DPP10: variants seen among roughly 807,000 people sequenced by gnomAD.
The protein encoded by DPP10 is inactive dipeptidyl peptidase 10.
A neutral mutation model predicts 120.9 loss-of-function variants in DPP10; 33 were observed. The ratio of observed to expected loss-of-function variants is 0.27; its 90% CI spans 0.21 to 0.37. DPP10 has a LOEUF of 0.37. Among genes scored for constraint, DPP10 ranks in the 10% least tolerant of loss-of-function variants. DPP10 has a pLI of 1.00. For missense variants in DPP10, 816 were observed against 942.8 expected (o/e 0.87, Z 1.76); for synonymous variants, 337 against 326.1 (o/e 1.03, Z -0.36).
intron 1 of DPP10, among the ~76,000 whole-genome samples, chr2:114,574,283 GGGACCCCCTAT>G (rs1460145586): frequency 2.6e-4 from 40 of 152,070 alleles, no homozygotes; most frequent in Non-Finnish European, 8.8e-5. Flanking sequence ...AAGTTCCCCT[GGGACCCCCTAT>G]GGAAAGAAAT....
intron 1 of DPP10, among the ~76,000 whole-genome samples, chr2:114,536,551 G>A (rs572229228): frequency 5.9e-5 from 9 of 151,626 alleles, no homozygotes; most frequent in South Asian, 2.1e-4. Context: ...GACTACAGGC[G>A]CCCGCTACCA....
At chr2:115,119,909 T>G (rs2049733347) in intron 1 of DPP10, among the ~76,000 whole-genome samples, 1 of 152,224 alleles carries the variant, frequency 6.6e-6, no homozygotes, top group Admixed American at 6.5e-5. Context: ...TCCAGGTTTC[T>G]TCCCAATTTA....
intron 1 of DPP10, among the ~76,000 whole-genome samples, chr2:114,668,913 A>T (rs1487626958): frequency 6.6e-6 from 1 of 151,934 alleles, no homozygotes; most frequent in Non-Finnish European, 1.5e-5. Context: ...TGAATCAGTT[A>T]TGTTCTCTCG....
At chr2:115,674,980 A>G (rs1268329413) in intron 5 of DPP10, among the ~76,000 whole-genome samples, 1 of 152,184 alleles carries the variant, frequency 6.6e-6, no homozygotes, top group Non-Finnish European at 1.5e-5. Flanking sequence ...GAACACATTA[A>G]TCTTTATAGA....
intron 3 of DPP10, among the ~76,000 whole-genome samples, chr2:115,445,141 A>G (rs772522925): frequency 1.3e-5 from 2 of 152,170 alleles, no homozygotes; most frequent in Non-Finnish European, 1.5e-5. Context: ...GCCTTCTGCC[A>G]TAATTGTAAG....
chr2:114,905,196 T>G (rs1693866471), intron 1 of DPP10, among the ~76,000 whole-genome samples: 1 of 152,104 alleles, frequency 6.6e-6, no homozygotes, highest in African/African-American at 2.4e-5. Context: ...TTTAGTATTA[T>G]CTTGCCAATT....
intron 3 of DPP10, among the ~76,000 whole-genome samples, chr2:115,387,161 G>A (rs2067001475): frequency 6.6e-6 from 1 of 152,078 alleles, no homozygotes; most frequent in South Asian, 2.1e-4. Context: ...CTGAGGAGGG[G>A]GAGGCTGACC....
chr2:115,715,666 G>A (rs1394418475), intron 7 of DPP10, among the ~76,000 whole-genome samples: 1 of 152,188 alleles, frequency 6.6e-6, no homozygotes, highest in Non-Finnish European at 1.5e-5. Flanking sequence ...AAACTGTAGA[G>A]GAATGAGTGA....
chr2:114,866,742 T>G (rs184075531), intron 1 of DPP10, among the ~76,000 whole-genome samples: 1 of 152,360 alleles, frequency 6.6e-6, no homozygotes, highest in Non-Finnish European at 1.5e-5. Context: ...TCAGTAAATT[T>G]ACTATGCAGC....
intron 1 of DPP10, among the ~76,000 whole-genome samples, chr2:114,918,589 C>T (rs759869281): frequency 1.3e-4 from 20 of 152,142 alleles, no homozygotes; most frequent in Non-Finnish European, 2.5e-4. Flanking sequence ...ATGCAGCATA[C>T]ATACACCATG....
intron 7 of DPP10, among the ~76,000 whole-genome samples, chr2:115,691,158 T>G (rs187572078): frequency 8.5e-5 from 13 of 152,268 alleles, no homozygotes; most frequent in African/African-American, 2.9e-4. Flanking sequence ...GTTCTGGATA[T>G]TAATACATTG....
At chr2:115,495,538 GA>G (rs1436931879) in intron 3 of DPP10, among the ~76,000 whole-genome samples, 1 of 151,990 alleles carries the variant, frequency 6.6e-6, no homozygotes, top group Non-Finnish European at 1.5e-5. Context: ...ACCACATTGA[GA>G]ACTAAATTAA....
rs181749248 is a variant in DPP10, at chr2:114,798,110, T to A, written c.60+355272T>A. Among the ~76,000 whole-genome samples, 11 of 152,182 alleles carry A rather than the reference T, an allele frequency of 7.2e-5. No homozygotes were observed. In the East Asian group the frequency reaches 1.9e-3, roughly 27 times the overall value. ...ACCAGTATTCCTCAATCTGTCAAGG[T>A]CCCGAAACCACTGAAGGCCAGCCAA... On this transcript the variant is annotated intron_variant, in intron 1 of 25. Transcript: ENST00000410059.
At chr2:115,758,095 T>C (rs970750988) in intron 11 of DPP10, among the ~76,000 whole-genome samples, 1 of 152,050 alleles carries the variant, frequency 6.6e-6, no homozygotes, top group Non-Finnish European at 1.5e-5. Context: ...TCTGTATTTA[T>C]AGATAACATA....
chr2:115,659,894 T>C (rs920699034), intron 5 of DPP10, among the ~76,000 whole-genome samples: 4 of 152,160 alleles, frequency 2.6e-5, no homozygotes, highest in Admixed American at 2.6e-4. Flanking sequence ...ATTTTTAAAA[T>C]TTATCTTTTT....
intron 3 of DPP10, among the ~76,000 whole-genome samples, chr2:115,440,168 T>TGTGA (rs2071897437): frequency 6.6e-6 from 1 of 152,098 alleles, no homozygotes. Context: ...TGTGTGTGTG[T>TGTGA]GTGAGTGCAT....
intron 4 of DPP10, among the ~76,000 whole-genome samples, chr2:115,524,791 G>C (rs1389415301): frequency 6.6e-6 from 1 of 152,134 alleles, no homozygotes; most frequent in Non-Finnish European, 1.5e-5. Flanking sequence ...AAAGAAGTTT[G>C]CTATGAATAA....
intron 1 of DPP10, among the ~76,000 whole-genome samples, chr2:114,960,101 T>A (rs930223812): frequency 6.6e-6 from 1 of 152,126 alleles, no homozygotes; most frequent in African/African-American, 2.4e-5. Context: ...AGTCAGATAA[T>A]ATAACTTACT....
At chr2:115,472,157 G>A (rs2074770469) in intron 3 of DPP10, among the ~76,000 whole-genome samples, 1 of 151,960 alleles carries the variant, frequency 6.6e-6, no homozygotes, top group African/African-American at 2.4e-5. Flanking sequence ...AACCCTTTAT[G>A]TGTTTTAAAT....
Sources: allele counts gnomAD v4.1 joint callset (sites outside exome capture counted in the v4.1 genomes callset), GRCh38; gene constraint gnomAD v4.1.1; transcripts MANE v1.5; gene names NCBI Gene and HGNC (gene_info 2026-07-23, HGNC 2026-07-21).